TCF12: variants seen among roughly 807,000 people sequenced by gnomAD.
TCF12 encodes the protein transcription factor 12.
In TCF12, 45 loss-of-function variants were observed where a neutral mutation model predicts 86.0. The observed-to-expected ratio is 0.52, with a 90% CI of 0.41 to 0.67. The LOEUF (loss-of-function observed/expected upper bound fraction) is 0.67. Among genes scored for constraint, TCF12 ranks in the 30% least tolerant of loss-of-function variants. TCF12 has a pLI of 0.00. For missense variants in TCF12, 881 were observed against 859.9 expected (o/e 1.02, Z -0.31); for synonymous variants, 330 against 299.6 (o/e 1.10, Z -1.05).
chr15:57,244,604 C>T (rs1259500677), intron 13 of TCF12, among the ~76,000 whole-genome samples: 4 of 152,062 alleles, frequency 2.6e-5, no homozygotes, highest in East Asian at 3.9e-4. Context: ...GGATTACAGG[C>T]GTCTGCCACC....
chr15:57,189,735 T>A (rs2056882140), intron 6 of TCF12, among the ~76,000 whole-genome samples: 1 of 152,160 alleles, frequency 6.6e-6, no homozygotes, highest in Non-Finnish European at 1.5e-5. Context: ...CCACTGCTAG[T>A]TATATACCCA....
chr15:57,201,883 C>A (rs573706997), intron 8 of TCF12, among the ~76,000 whole-genome samples: 1 of 151,992 alleles, frequency 6.6e-6, no homozygotes, highest in Non-Finnish European at 1.5e-5. Context: ...CACTAAGATA[C>A]AAAGTTCAAG....
At chr15:57,070,439 G>A (rs2069273794) in intron 4 of TCF12, among the ~76,000 whole-genome samples, 1 of 152,102 alleles carries the variant, frequency 6.6e-6, no homozygotes, top group Non-Finnish European at 1.5e-5. Context: ...AAAGTTCATA[G>A]ACAAAGCCAT....
intron 20 of TCF12, among the ~76,000 whole-genome samples, chr15:57,284,326 G>A (rs2061838014): frequency 6.6e-6 from 1 of 151,936 alleles, no homozygotes; most frequent in African/African-American, 2.4e-5. Flanking sequence ...TTCCACCTCA[G>A]CCTCCTGAGT....
chr15:57,055,069 C>T (rs1245073312), intron 3 of TCF12, among the ~76,000 whole-genome samples: 1 of 151,944 alleles, frequency 6.6e-6, no homozygotes, highest in Non-Finnish European at 1.5e-5. Flanking sequence ...ATATATGATA[C>T]TATTCCCTAG....
At chr15:56,923,668 T>C (rs1435373315) in intron 3 of TCF12, among the ~76,000 whole-genome samples, 3 of 152,206 alleles carry the variant, frequency 2.0e-5, no homozygotes, top group African/African-American at 2.4e-5. Flanking sequence ...TTTAAATCCA[T>C]GTCCTCAACT....
intron 6 of TCF12, among the ~76,000 whole-genome samples, chr15:57,178,058 G>C (rs1306605499): frequency 2.6e-5 from 4 of 152,164 alleles, no homozygotes; most frequent in Admixed American, 2.6e-4. Flanking sequence ...GGAGAAAAGA[G>C]CCTGTTAAAT....
chr15:57,070,068 T>C (rs1206314742), intron 4 of TCF12, among the ~76,000 whole-genome samples: 1 of 152,188 alleles, frequency 6.6e-6, no homozygotes, highest in Non-Finnish European at 1.5e-5. Context: ...AATAACTTCC[T>C]CACTAAAGTT....
At chr15:57,082,171 G>C (rs1403584710) in intron 4 of TCF12, among the ~76,000 whole-genome samples, 1 of 152,172 alleles carries the variant, frequency 6.6e-6, no homozygotes, top group South Asian at 2.1e-4. Context: ...ACTAGTAACA[G>C]AATTCAAAAG....
chr15:56,996,119 A>G (rs1174848833), intron 3 of TCF12, among the ~76,000 whole-genome samples: 6 of 152,204 alleles, frequency 3.9e-5, no homozygotes, highest in Non-Finnish European at 8.8e-5. Context: ...CCAGCCTTGC[A>G]TCCCAGGAAT....
intron 19 of TCF12, among the ~76,000 whole-genome samples, chr15:57,278,947 T>C (rs2061553018): frequency 6.6e-6 from 1 of 151,316 alleles, no homozygotes; most frequent in Admixed American, 6.6e-5. Context: ...CCTTCCTTTT[T>C]TTTTTTTCTC....
At chr15:57,086,774 T>C (rs2048665213) in intron 4 of TCF12, among the ~76,000 whole-genome samples, 2 of 149,534 alleles carry the variant, frequency 1.3e-5, no homozygotes, top group South Asian at 4.2e-4. Flanking sequence ...TTAAAAACAG[T>C]GGTTTCTTTT....
At chr15:57,071,244 A>T (rs1434234128) in intron 4 of TCF12, among the ~76,000 whole-genome samples, 5 of 147,060 alleles carry the variant, frequency 3.4e-5, no homozygotes, top group African/African-American at 1.3e-4. Context: ...CCCTCTCTAC[A>T]AAAAATAGAA....
At position 56,941,237 on chromosome 15, in the gene TCF12, G is replaced by A. The variant is rs544465230; in HGVS notation, c.148+20139G>A. On this transcript the variant is annotated intron_variant, in intron 3 of 20. Transcript: ENST00000333725. ...AAAAATTAGCCAGGTGTGGTGGCAT[G>A]TACTTGTAGTCCCAGCTATTCAGGA... Among the ~76,000 whole-genome samples, 7 of 151,966 alleles carry A rather than the reference G, an allele frequency of 4.6e-5. No individual in the cohort carries two copies. In the South Asian group the frequency reaches 1.2e-3, roughly 27 times the overall value.
intron 13 of TCF12, among the ~76,000 whole-genome samples, chr15:57,245,917 G>A (rs2059836831): frequency 6.6e-6 from 1 of 151,778 alleles, no homozygotes; most frequent in African/African-American, 2.4e-5. Context: ...CTGTGTCTTG[G>A]TTCTTATCTA....
At chr15:56,953,826 A>G (rs1316462460) in intron 3 of TCF12, among the ~76,000 whole-genome samples, 2 of 126,018 alleles carry the variant, frequency 1.6e-5, no homozygotes, top group Non-Finnish European at 3.3e-5. Context: ...CTAAAAGTTT[A>G]TCAGTTTTTT....
intron 6 of TCF12, among the ~76,000 whole-genome samples, chr15:57,170,092 G>A (rs1284559153): frequency 6.6e-6 from 1 of 152,118 alleles, no homozygotes; most frequent in Admixed American, 6.5e-5. Context: ...TTAGTAAACA[G>A]AGGTTCTCCT....
chr15:57,150,044 C>G (rs2151449878), intron 5 of TCF12, among the ~76,000 whole-genome samples: 1 of 152,176 alleles, frequency 6.6e-6, no homozygotes, highest in South Asian at 2.1e-4. Flanking sequence ...TGAAGTTACC[C>G]CCACTCTCTC....
chr15:56,986,297 C>G (rs1156523702), intron 3 of TCF12, among the ~76,000 whole-genome samples: 1 of 151,916 alleles, frequency 6.6e-6, no homozygotes, highest in Non-Finnish European at 1.5e-5. Context: ...CAATGTTGAC[C>G]AAAATTAACT....
Sources: allele counts gnomAD v4.1 joint callset (sites outside exome capture counted in the v4.1 genomes callset), GRCh38; gene constraint gnomAD v4.1.1; transcripts MANE v1.5; gene names NCBI Gene and HGNC (gene_info 2026-07-23, HGNC 2026-07-21).